GALNTL6: variants seen among roughly 807,000 people sequenced by gnomAD.
The protein encoded by GALNTL6 is polypeptide N-acetylgalactosaminyltransferase like 6.
Under a neutral mutation model 73.7 loss-of-function variants are expected in GALNTL6, and 46 were observed. The observed-to-expected ratio is 0.62, with a 90% CI of 0.49 to 0.80. The LOEUF (loss-of-function observed/expected upper bound fraction) is 0.80, where lower values mean the gene tolerates loss of function less well. Ranked by LOEUF, GALNTL6 falls within the 30% of genes least tolerant of loss-of-function variation. The pLI is 0.00. For missense variants in GALNTL6, 604 were observed against 755.0 expected (o/e 0.80, Z 2.34); for synonymous variants, 259 against 263.7 (o/e 0.98, Z 0.17).
At chr4:172,222,376 GCAAC>G (rs923743390) in intron 2 of GALNTL6, among the ~76,000 whole-genome samples, 7 of 151,822 alleles carry the variant, frequency 4.6e-5, no homozygotes, top group Middle Eastern at 3.2e-3. Context: ...GGGTGTGAAA[GCAAC>G]CTTTTCTTGC....
intron 2 of GALNTL6, among the ~76,000 whole-genome samples, chr4:171,830,064 C>T (rs1397192926): frequency 6.6e-6 from 1 of 151,886 alleles, no homozygotes; most frequent in Non-Finnish European, 1.5e-5. Context: ...TACAATGATG[C>T]AGTGGTAAGT....
chr4:172,625,654 T>C (rs1739139551), intron 5 of GALNTL6, among the ~76,000 whole-genome samples: 1 of 152,122 alleles, frequency 6.6e-6, no homozygotes, highest in South Asian at 2.1e-4. Flanking sequence ...TGTATAAGCG[T>C]TCCCTTGTCT....
At chr4:171,882,713 A>G (rs1009826570) in intron 2 of GALNTL6, among the ~76,000 whole-genome samples, 5 of 152,190 alleles carry the variant, frequency 3.3e-5, no homozygotes, top group African/African-American at 1.2e-4. Flanking sequence ...TAGTCCTTCC[A>G]GCTTCTTCTG....
At chr4:172,706,580 T>G (rs1734368458) in intron 5 of GALNTL6, among the ~76,000 whole-genome samples, 1 of 152,154 alleles carries the variant, frequency 6.6e-6, no homozygotes, top group Admixed American at 6.6e-5. Context: ...TTTGCCTTGG[T>G]CTTTCCAGAG....
At chr4:172,719,084 G>T (rs964480403) in intron 5 of GALNTL6, among the ~76,000 whole-genome samples, 1 of 152,110 alleles carries the variant, frequency 6.6e-6, no homozygotes, top group Admixed American at 6.5e-5. Context: ...ACCCTTGTAG[G>T]TTAATTTTTG....
At chr4:171,898,381 C>G (rs554314503) in intron 2 of GALNTL6, among the ~76,000 whole-genome samples, 1 of 152,182 alleles carries the variant, frequency 6.6e-6, no homozygotes, top group South Asian at 2.1e-4. Context: ...AATGAAGACA[C>G]ATACCTATAA....
At chr4:172,773,007 G>A (rs566587582) in intron 5 of GALNTL6, among the ~76,000 whole-genome samples, 107 of 152,300 alleles carry the variant, frequency 7.0e-4, no homozygotes, top group African/African-American at 2.4e-3. Flanking sequence ...TTAAGGAGAG[G>A]AACGGAACCT....
chr4:172,130,950 C>T (rs1345097882), intron 2 of GALNTL6, among the ~76,000 whole-genome samples: 1 of 152,030 alleles, frequency 6.6e-6, no homozygotes, highest in Non-Finnish European at 1.5e-5. Flanking sequence ...TCTATCTACT[C>T]CTTTCATGAG....
At chr4:172,158,085 A>G (rs368210513) in intron 2 of GALNTL6, among the ~76,000 whole-genome samples, 2 of 152,276 alleles carry the variant, frequency 1.3e-5, no homozygotes, top group African/African-American at 4.8e-5. Context: ...ATTGACCTCA[A>G]TATGCTGTTG....
intron 2 of GALNTL6, among the ~76,000 whole-genome samples, chr4:172,184,958 C>T (rs1735372757): frequency 6.6e-6 from 1 of 152,228 alleles, no homozygotes; most frequent in Admixed American, 6.5e-5. Flanking sequence ...TTTGACTTCA[C>T]TTCCCAACAC....
chr4:172,774,697 C>T lies in GALNTL6; in HGVS notation c.554-34664C>T, dbSNP rs181889784. 5.8e-3 allele frequency among the ~76,000 whole-genome samples: 886 copies of T among 152,210 alleles called. 4 individuals carry two copies. The highest frequency in any genetic ancestry group is 9.5e-3 in the Non-Finnish European group (649 of 68,020). On this transcript the variant is annotated intron_variant, in intron 5 of 12. Coordinates refer to ENST00000506823, the MANE Select transcript of GALNTL6 (RefSeq NM_001034845.3). ...TCCAGAAGGCTGGGCTTGTGGCTCA[C>T]ACCTGCAATCCCAGCATTTTGGGAG...
intron 2 of GALNTL6, among the ~76,000 whole-genome samples, chr4:172,200,429 T>C (rs1445643577): frequency 6.6e-6 from 1 of 152,172 alleles, no homozygotes; most frequent in Non-Finnish European, 1.5e-5. Flanking sequence ...TTTCTGATGT[T>C]TGGGACTAAT....
intron 2 of GALNTL6, among the ~76,000 whole-genome samples, chr4:171,950,749 A>T (rs1196582731): frequency 6.6e-6 from 1 of 152,110 alleles, no homozygotes; most frequent in Non-Finnish European, 1.5e-5. Flanking sequence ...GAGTGCTGGG[A>T]TTACATGTGT....
rs149409046 is a variant in GALNTL6 at position 173,038,047 on chromosome 4, A to C, written c.1639-1886A>C. ...CGTCAGCCACGGTACCCAGCCCCAC[A>C]TGAGCTATTGATAAAGGTAACAACA... On this transcript the variant is annotated intron_variant, in intron 12 of 12. Coordinates refer to ENST00000506823, the MANE Select transcript of GALNTL6 (RefSeq NM_001034845.3). Among the ~76,000 whole-genome samples, 1,103 of 152,298 alleles carry C rather than the reference A, an allele frequency of 7.2e-3. 23 individuals carry two copies. The highest frequency in any genetic ancestry group is 0.025 in the African/African-American group (1,032 of 41,558).
intron 2 of GALNTL6, among the ~76,000 whole-genome samples, chr4:172,120,102 C>T (rs1733106413): frequency 6.6e-6 from 1 of 152,140 alleles, no homozygotes; most frequent in Admixed American, 6.5e-5. Flanking sequence ...ACTACTTTTT[C>T]CCAGTTCTGT....
intron 2 of GALNTL6, among the ~76,000 whole-genome samples, chr4:171,870,617 C>G (rs969520461): frequency 6.6e-6 from 1 of 151,998 alleles, no homozygotes; most frequent in South Asian, 2.1e-4. Context: ...AATTCCTAAC[C>G]CTGGTGCCTC....
chr4:171,923,911 T>C (rs1181946511), intron 2 of GALNTL6, among the ~76,000 whole-genome samples: 2 of 151,836 alleles, frequency 1.3e-5, no homozygotes, highest in African/African-American at 4.8e-5. Flanking sequence ...TTTACTTTAA[T>C]GAATGCTTAT....
At chr4:172,440,290 A>G (rs1222863484) in intron 5 of GALNTL6, among the ~76,000 whole-genome samples, 1 of 152,048 alleles carries the variant, frequency 6.6e-6, no homozygotes, top group Non-Finnish European at 1.5e-5. Flanking sequence ...ACAATGGAAT[A>G]TTATTCGGTG....
intron 7 of GALNTL6, among the ~76,000 whole-genome samples, chr4:172,876,713 G>A (rs1433484445): frequency 6.6e-6 from 1 of 152,036 alleles, no homozygotes; most frequent in Non-Finnish European, 1.5e-5. Context: ...TTCTAGACAT[G>A]AATTATACAA....
Sources: allele counts gnomAD v4.1 joint callset (sites outside exome capture counted in the v4.1 genomes callset), GRCh38; gene constraint gnomAD v4.1.1; transcripts MANE v1.5; gene names NCBI Gene and HGNC (gene_info 2026-07-23, HGNC 2026-07-21).